The following CEP120 variants were observed in gnomAD, a reference collection of about 807,000 sequenced individuals.
The protein encoded by CEP120 is centrosomal protein 120, also known as centrosomal protein of 120 kDa.
Under a neutral mutation model 126.5 loss-of-function variants are expected in CEP120, and 113 were observed. The observed-to-expected ratio is 0.89, with a 90% CI of 0.77 to 1.04. CEP120 has a LOEUF of 1.04. Ranked by LOEUF, CEP120 falls within the 50% of genes least tolerant of loss-of-function variation. The pLI, the probability that CEP120 is intolerant of heterozygous loss-of-function variation, is 0.00. For missense variants in CEP120, 1,230 were observed against 1,155.7 expected, an observed-to-expected ratio of 1.06 and a Z score of -0.93; for synonymous variants, 400 against 394.3, an observed-to-expected ratio of 1.01 and a Z score of -0.17.
intron 13 of CEP120, 46 bp downstream of exon 13, chr5:123,382,691 C>A: frequency 6.5e-7 from 1 of 1,547,194 alleles, no homozygotes. Context: ...GAAAAATATA[C>A]AGAGCAGACA....
At chr5:123,350,433 T>C (rs1268195109) in intron 18 of CEP120, among the ~76,000 whole-genome samples, 1 of 152,180 alleles carries the variant, frequency 6.6e-6, no homozygotes, top group Non-Finnish European at 1.5e-5. Context: ...CCAGCTAGGT[T>C]TTCTCTAAAC....
chr5:123,354,785 T>A (rs565393256), intron 18 of CEP120, among the ~76,000 whole-genome samples: 3,703 of 145,584 alleles, frequency 0.025, 147 homozygotes, highest in African/African-American at 0.086. Context: ...GTTTTTTTTT[T>A]AAATATATTT....
At chr5:123,364,030 A>G (rs1339768934) in intron 18 of CEP120, among the ~76,000 whole-genome samples, 1 of 151,576 alleles carries the variant, frequency 6.6e-6, no homozygotes, top group Non-Finnish European at 1.5e-5. Context: ...GAAAACTTCT[A>G]TCAAAGTTTT....
Position 123,369,753 on chromosome 5 carries a change from T to C in CEP120, c.2481+2897A>G, listed in dbSNP as rs145093845. Among the ~76,000 whole-genome samples the C allele has an allele frequency of 4.3e-4, 65 of 152,194 alleles. No homozygotes were observed. The East Asian group carries it at 9.5e-3, about 22-fold the overall frequency. On this transcript the variant is annotated intron_variant, in intron 17 of 19. Coordinates refer to ENST00000306467, the MANE Select transcript of CEP120 (RefSeq NM_001375405.1). Reference sequence around the variant, plus strand: ...ATCTATTCCTGACAGGCCACCTACATTGCCACATTCAATGACATCACCTTT... The same window carrying C: ...ATCTATTCCTGACAGGCCACCTACACTGCCACATTCAATGACATCACCTTT...
At chr5:123,379,197 C>T (rs1253417310) in intron 14 of CEP120, among the ~76,000 whole-genome samples, 3 of 151,936 alleles carry the variant, frequency 2.0e-5, no homozygotes, top group Non-Finnish European at 2.9e-5. Flanking sequence ...TGTGAGCAGC[C>T]GTGAGGACGT....
intron 14 of CEP120, among the ~76,000 whole-genome samples, chr5:123,380,062 T>C (rs1000148370): frequency 2.6e-5 from 4 of 152,100 alleles, no homozygotes; most frequent in African/African-American, 9.7e-5. Flanking sequence ...TCAGGTAAAT[T>C]TTCAAAGTGT....
chr5:123,400,866 C>T, intron 4 of CEP120: 6 of 1,103,628 alleles, frequency 5.4e-6, no homozygotes, highest in Non-Finnish European at 8.2e-6. Context: ...ACCTCCCTCC[C>T]AGGCTCTGGG....
chr5:123,378,036 A>C (rs1331178316), intron 15 of CEP120, among the ~76,000 whole-genome samples: 3 of 152,122 alleles, frequency 2.0e-5, no homozygotes, highest in Non-Finnish European at 4.4e-5. Context: ...TTCATGAAAT[A>C]TATAGAGCAC....
intron 1 of CEP120, 115 bp downstream of exon 1, chr5:123,422,835 G>T: frequency 1.0e-6 from 1 of 993,978 alleles, no homozygotes; most frequent in East Asian, 2.4e-5. Context: ...CAAGTCTGTG[G>T]GGACCACAAA....
chr5:123,386,892 CT>C lies in CEP120; in HGVS notation c.1431-226del, dbSNP rs534164654. 1.8e-4 allele frequency among the ~76,000 whole-genome samples: 28 copies of C among 152,222 alleles called. No homozygotes were observed. In the East Asian group the frequency reaches 4.8e-3, roughly 26 times the overall value. ...GCACTCCCAGGGACACAGGCAGTTTCTGCCATATATAAATATTCAAGAAATG... is the reference window on the plus strand; with the variant it reads ...GCACTCCCAGGGACACAGGCAGTTTCGCCATATATAAATATTCAAGAAATG... On this transcript the variant is annotated intron_variant, in intron 9 of 19. Transcript: ENST00000306467.
In CEP120 at chr5:123,376,452, T is replaced by C. The variant is rs149597072; in HGVS notation, c.2358+922A>G. 1.1e-3 allele frequency among the ~76,000 whole-genome samples: 168 copies of C among 152,228 alleles called. 1 individual carries two copies. Among genetic ancestry groups the C allele is most frequent in the African/African-American group, 3.9e-3 (163 of 41,556 alleles). ...AGTCAGAGAGACAGGCTCTGATCTA[T>C]GCAGAGGCCTGCAGGACAAGGCAAT... is the stretch of plus-strand genomic sequence containing the variant. On this transcript the variant is annotated intron_variant, in intron 16 of 19. Transcript: ENST00000306467.
intron 18 of CEP120, among the ~76,000 whole-genome samples, chr5:123,350,632 C>T (rs572573689): frequency 6.6e-6 from 1 of 152,146 alleles, no homozygotes; most frequent in African/African-American, 2.4e-5. Context: ...CAAAGATGTA[C>T]CTAGAAAAAT....
intron 6 of CEP120, among the ~76,000 whole-genome samples, chr5:123,392,694 G>T (rs531570002): frequency 1.3e-5 from 2 of 152,126 alleles, no homozygotes; most frequent in East Asian, 3.9e-4. Context: ...ATTTTTTGTA[G>T]AAACAGGGTC....
chr5:123,409,448 T>C (rs1773894256), intron 4 of CEP120, among the ~76,000 whole-genome samples: 1 of 152,128 alleles, frequency 6.6e-6, no homozygotes, highest in African/African-American at 2.4e-5. Flanking sequence ...ATAAAAAGTA[T>C]ACAGATTAGG....
chr5:123,412,599 G>T, intron 3 of CEP120, 59 bp from the exon 4 acceptor site: 1 of 1,267,172 alleles, frequency 7.9e-7, no homozygotes, highest in South Asian at 1.6e-5. Context: ...AACATATTGG[G>T]AAATGCTATA....
chr5:123,349,620 T>C (rs1048654144), intron 19 of CEP120, among the ~76,000 whole-genome samples: 1 of 152,074 alleles, frequency 6.6e-6, no homozygotes, highest in African/African-American at 2.4e-5. Flanking sequence ...AGTTTAATAG[T>C]CTTTGGCATA....
intron 19 of CEP120, among the ~76,000 whole-genome samples, chr5:123,347,995 G>GT (rs1394726159): frequency 6.6e-6 from 1 of 152,066 alleles, no homozygotes; most frequent in Non-Finnish European, 1.5e-5. Context: ...TTGCACAGTG[G>GT]TAAGAACACC....
chr5:123,363,799 G>T (rs751267871), intron 18 of CEP120, among the ~76,000 whole-genome samples: 1 of 151,354 alleles, frequency 6.6e-6, no homozygotes, highest in Non-Finnish European at 1.5e-5. Context: ...ATTTCATTCA[G>T]AATAAAACTG....
chr5:123,364,458 GA>G, intron 18 of CEP120, 37 bp downstream of exon 18: 5 of 1,391,050 alleles, frequency 3.6e-6, no homozygotes, highest in Admixed American at 2.0e-5. Flanking sequence ...AGAAACAAGG[GA>G]AAAAGATATA....
Sources: gnomAD v4.1 joint callset for allele counts (sites outside exome capture counted in the v4.1 genomes callset) on GRCh38, gnomAD v4.1.1 for gene constraint, MANE v1.5 for transcripts, NCBI Gene and HGNC (gene_info 2026-07-23, HGNC 2026-07-21) for gene names.